Variants in CREB3L2 observed in about 807,000 individuals in gnomAD.
The protein encoded by CREB3L2 is cyclic AMP-responsive element-binding protein 3-like protein 2.
Under a neutral mutation model 57.2 loss-of-function variants are expected in CREB3L2, and 23 were observed. The ratio of observed to expected loss-of-function variants is 0.40; its 90% CI spans 0.29 to 0.57. The LOEUF (loss-of-function observed/expected upper bound fraction) is 0.57, where lower values mean the gene tolerates loss of function less well. Among genes scored for constraint, CREB3L2 ranks in the 20% least tolerant of loss-of-function variants. CREB3L2 has a pLI of 0.42. For synonymous variants in CREB3L2, 268 were observed against 265.1 expected (o/e 1.01, Z -0.11); for missense variants, 628 against 634.7 (o/e 0.99, Z 0.11).
At chr7:137,947,876 C>T (rs1484568488) in intron 1 of CREB3L2, among the ~76,000 whole-genome samples, 1 of 152,186 alleles carries the variant, frequency 6.6e-6, no homozygotes, top group African/African-American at 2.4e-5. Context: ...CATCCACTTC[C>T]TTCCCCTGCC....
At chr7:137,909,415 G>A (rs374787584) in intron 4 of CREB3L2, among the ~76,000 whole-genome samples, 2 of 152,190 alleles carry the variant, frequency 1.3e-5, no homozygotes, top group Non-Finnish European at 2.9e-5. Context: ...AGGCTTCCAC[G>A]TGAATGAAAG....
Position 137,914,251 on chromosome 7 carries a change from A to T in CREB3L2, c.496-1173T>A, listed in dbSNP as rs540943397. 6.6e-5 allele frequency among the ~76,000 whole-genome samples: 10 copies of T among 152,218 alleles called. No homozygotes were observed. In the South Asian group the frequency reaches 2.1e-3, roughly 32 times the overall value. On this transcript the variant is annotated intron_variant, in intron 3 of 11. Coordinates refer to ENST00000330387, the MANE Select transcript of CREB3L2 (RefSeq NM_194071.4). ...ATGACTGATGGTATCTAATCACGAA[A>T]ATCCTGGTAGGGAAAGGAGAAAAGT...
intron 2 of CREB3L2, among the ~76,000 whole-genome samples, chr7:137,918,394 T>C (rs1257114471): frequency 6.6e-6 from 1 of 152,194 alleles, no homozygotes; most frequent in African/African-American, 2.4e-5. Context: ...TTTTGTCATG[T>C]TGACCAGGCT....
chr7:137,928,461 A>G (rs1800532613), intron 1 of CREB3L2, 95 bp from the exon 2 acceptor site: 2 of 946,288 alleles, frequency 2.1e-6, no homozygotes, highest in Admixed American at 4.0e-5. Context: ...ACTGCTCGAT[A>G]TGAAGTCCCT....
At chr7:137,998,624 C>A (rs1048721440) in intron 1 of CREB3L2, among the ~76,000 whole-genome samples, 3 of 152,174 alleles carry the variant, frequency 2.0e-5, no homozygotes, top group Admixed American at 6.5e-5. Context: ...ACTCACGAAG[C>A]CTCATTTTTC....
In CREB3L2 at chr7:137,876,560, TCTGG is replaced by T. The variant is rs1161935285; in HGVS notation, c.*3912_*3915del. The T allele has an allele frequency of 8.6e-6, 2 of 233,000 alleles. No homozygotes were observed. Among genetic ancestry groups the T allele is most frequent in the East Asian group, 1.2e-4 (2 of 16,582 alleles). The allele number at this position is 233,000 out of a possible 1,614,324, so 14.4% of individuals were successfully genotyped here. On this transcript the variant is annotated 3_prime_UTR_variant, in exon 12 of 12. Transcript: ENST00000330387. ...ATGAACGAAACATCTAAGTCTTGTCTCTGGATCCTTCACAGCCCTCACGTCACCA... is the reference window on the plus strand; with the variant it reads ...ATGAACGAAACATCTAAGTCTTGTCTATCCTTCACAGCCCTCACGTCACCA...
chr7:137,885,188 C>G, intron 9 of CREB3L2, 67 bp from the exon 10 acceptor site: 1 of 1,562,870 alleles, frequency 6.4e-7, no homozygotes. Flanking sequence ...GACAGCACAG[C>G]TTTATACCCA....
At chr7:137,881,772 G>C (rs889801378) in intron 11 of CREB3L2, among the ~76,000 whole-genome samples, 2 of 152,092 alleles carry the variant, frequency 1.3e-5, no homozygotes, top group African/African-American at 4.8e-5. Flanking sequence ...ACAATACCTT[G>C]CAGTCGCATA....
chr7:137,928,388 G>A lies in CREB3L2; in HGVS notation c.103-22C>T, dbSNP rs749703364. The A allele has an allele frequency of 5.0e-6, 8 of 1,593,316 alleles. No homozygotes were observed. In the African/African-American group the frequency reaches 9.4e-5, roughly 19 times the overall value. On this transcript the variant is annotated intron_variant, in intron 1 of 11. Transcript: ENST00000330387. Reference sequence around the variant, plus strand: ...AGTGCTACAAGAAACAAAGGAGGAAGAACTCAGTTTCTCTTAACCATAATG... The same window carrying A: ...AGTGCTACAAGAAACAAAGGAGGAAAAACTCAGTTTCTCTTAACCATAATG...
rs771042740 is a variant in CREB3L2 at position 137,878,904 on chromosome 7, C to T, written c.*1572G>A. The T allele has an allele frequency of 2.9e-5, 9 of 315,452 alleles. No homozygotes were observed. The highest frequency in any genetic ancestry group is 1.2e-4 in the African/African-American group (5 of 40,202). 19.5% of individuals were successfully genotyped at this position (315,452 alleles called of 1,614,324 possible). A position where few individuals can be genotyped will look rare whatever the true frequency, so the allele number is the denominator to read the frequency against. On this transcript the variant is annotated 3_prime_UTR_variant, in exon 12 of 12. Transcript: ENST00000330387. ...CAGGCTCCAATAACAATGCAGATGACGTGTGTGGGGGTGGGTGGTGGGGGG... is the reference window on the plus strand; with the variant it reads ...CAGGCTCCAATAACAATGCAGATGATGTGTGTGGGGGTGGGTGGTGGGGGG...
chr7:137,901,345 G>C lies in CREB3L2; in HGVS notation c.1043+9C>G. 1.3e-6 allele frequency: 2 copies of C among 1,536,078 alleles called. No homozygotes were observed. The highest frequency in any genetic ancestry group is 1.8e-6 in the Non-Finnish European group (2 of 1,110,410). On this transcript the variant is annotated intron_variant, in intron 8 of 11. Transcript: ENST00000330387. ...TAGCGCAATCAGCTCTCAGTCCAGT[G>C]ACACTTACCTATTAGTGTTCTCTAG... is the stretch of plus-strand genomic sequence containing the variant.
intron 11 of CREB3L2, among the ~76,000 whole-genome samples, chr7:137,881,120 T>G (rs1452295665): frequency 6.6e-6 from 1 of 152,142 alleles, no homozygotes; most frequent in Non-Finnish European, 1.5e-5. Context: ...CTTGAACAGC[T>G]TAGCTGAGAG....
In CREB3L2 at chr7:137,908,389, C is replaced by G; in HGVS notation, c.631G>C (p.Gly211Arg). 2 of 1,261,664 alleles carry G rather than the reference C, an allele frequency of 1.6e-6. No individual in the cohort carries two copies. The highest frequency in any genetic ancestry group is 2.0e-6 in the Non-Finnish European group (2 of 995,196). 78.2% of individuals were successfully genotyped at this position (1,261,664 alleles called of 1,614,324 possible). The part of the protein sequence containing the change: ...HLPPTPPSSH[G>R]SDSEGSLSPN... ...CTCAGGCTGCCCTCTGAGTCACTGC[C>G]GTGACTGCTCGGAGGGGTGGGCGGC... Residue 211 changes from glycine to arginine, a missense_variant, in exon 5 of 12, where the codon GGC becomes CGC. Gly to Arg is a moderately radical substitution (Grantham distance 125). Coordinates refer to ENST00000330387, the MANE Select transcript of CREB3L2 (RefSeq NM_194071.4).
At chr7:137,924,125 T>C (rs1331204424) in intron 2 of CREB3L2, among the ~76,000 whole-genome samples, 1 of 152,192 alleles carries the variant, frequency 6.6e-6, no homozygotes, top group Non-Finnish European at 1.5e-5. Flanking sequence ...CTGAAAGCCC[T>C]ACTAAATTCA....
At chr7:137,946,087 C>G (rs550896536) in intron 1 of CREB3L2, among the ~76,000 whole-genome samples, 1 of 152,194 alleles carries the variant, frequency 6.6e-6, no homozygotes, top group African/African-American at 2.4e-5. Flanking sequence ...CACACTCCCT[C>G]CTGCCCACTG....
At chr7:137,899,303 C>G (rs905986645) in intron 8 of CREB3L2, among the ~76,000 whole-genome samples, 2 of 152,140 alleles carry the variant, frequency 1.3e-5, no homozygotes, top group African/African-American at 4.8e-5. Context: ...CCCCATGTGG[C>G]CCAGGGAAGG....
chr7:137,903,487 A>C (rs1251253539), intron 7 of CREB3L2, among the ~76,000 whole-genome samples: 2 of 132,942 alleles, frequency 1.5e-5, no homozygotes, highest in South Asian at 2.3e-4. Context: ...GTGTTTTTGC[A>C]AAAAAAAAAA....
At chr7:137,943,534 C>A (rs886183985) in intron 1 of CREB3L2, among the ~76,000 whole-genome samples, 1 of 152,174 alleles carries the variant, frequency 6.6e-6, no homozygotes, top group Non-Finnish European at 1.5e-5. Context: ...TTCTCCTCAA[C>A]CAAACCTCCT....
chr7:137,898,790 C>T (rs1349033189), intron 8 of CREB3L2, among the ~76,000 whole-genome samples: 2 of 152,016 alleles, frequency 1.3e-5, no homozygotes, highest in Non-Finnish European at 2.9e-5. Flanking sequence ...TCGGCCTTTA[C>T]TAAATAACAG....
Sources: allele counts gnomAD v4.1 joint callset (sites outside exome capture counted in the v4.1 genomes callset), GRCh38; gene constraint gnomAD v4.1.1; transcripts MANE v1.5; gene names NCBI Gene and HGNC (gene_info 2026-07-23, HGNC 2026-07-21).